Variants in PCID2 observed in about 807,000 individuals in gnomAD.
PCID2 encodes PCI domain-containing protein 2.
A neutral mutation model predicts 61.3 loss-of-function variants in PCID2; 41 were observed. The observed-to-expected ratio is 0.67, with a 90% CI of 0.52 to 0.87. The LOEUF is 0.87. Among genes scored for constraint, PCID2 ranks in the 40% least tolerant of loss-of-function variants. PCID2 has a pLI of 0.00. For synonymous variants in PCID2, 187 were observed against 177.8 expected (o/e 1.05, Z -0.41); for missense variants, 392 against 493.4 (o/e 0.79, Z 1.95).
intron 2 of PCID2, among the ~76,000 whole-genome samples, chr13:113,198,489 G>A (rs375391905): frequency 1.3e-5 from 2 of 152,230 alleles, no homozygotes; most frequent in Admixed American, 6.5e-5. Context: ...ATCACTTGAG[G>A]CTAGAAGTTC....
chr13:113,200,436 T>G lies in PCID2; in HGVS notation c.117A>C (p.Pro39=). ...VSFKHPHVAN[P]RLQMASPEEK... is the part of the protein sequence containing the mutation. ...CAGCTCTTTCACCTACTTGAAGTCG[T>G]GGGTTTGCAACATGAGGATGTTTAA... Residue 39 remains proline (P), a synonymous_variant, in exon 2 of 14, where the codon CCA becomes CCC. Coordinates refer to ENST00000337344, the MANE Select transcript of PCID2 (RefSeq NM_001127202.4). 6.2e-7 allele frequency: 1 copy of G among 1,606,242 alleles called. No individual in the cohort carries two copies. Among genetic ancestry groups the G allele is most frequent in the South Asian group, 1.1e-5 (1 of 90,960 alleles).
Position 113,207,879 on chromosome 13 carries a change from C to T in PCID2, c.36+720G>A, listed in dbSNP as rs549827891. On this transcript the variant is annotated intron_variant, in intron 1 of 13. Transcript: ENST00000337344. ...ATTCACCACGTCTTGGTAATGTTTC[C>T]TTCAAATATTTTAAAAATCCATTCC... is the stretch of plus-strand genomic sequence containing the variant. 43 of 756,746 alleles carry T rather than the reference C, an allele frequency of 5.7e-5. 1 individual carries two copies. In the South Asian group the frequency reaches 6.2e-4, roughly 11 times the overall value. The allele number at this position is 756,746 out of a possible 1,614,324, so 46.9% of individuals were successfully genotyped here.
At chr13:113,199,558 T>C (rs1407508807) in intron 2 of PCID2, among the ~76,000 whole-genome samples, 1 of 152,148 alleles carries the variant, frequency 6.6e-6, no homozygotes, top group East Asian at 1.9e-4. Context: ...GAAAGTTTAC[T>C]GGGGAATTTT....
At chr13:113,170,111 T>C in the PCID2 span, among the ~76,000 whole-genome samples, 1 of 152,212 alleles carries the variant, frequency 6.6e-6, no homozygotes, top group African/African-American at 2.4e-5. Context: ...ATTCCATAGA[T>C]TTTGTCAATT....
At chr13:113,185,347 T>C (rs2038014272) in intron 8 of PCID2, 138 bp downstream of exon 8, 1 of 652,180 alleles carries the variant, frequency 1.5e-6, no homozygotes, top group Admixed American at 2.6e-5. Context: ...CAACAAATGT[T>C]TGCTATTAGG....
At position 113,185,474 on chromosome 13, in the gene PCID2, CAGA is replaced by C. The variant is rs3834946; in HGVS notation, c.543+8_543+10del. The C allele has an allele frequency of 9.8e-3, 15,703 of 1,597,624 alleles. 1,144 individuals are homozygous for C. In the East Asian group the frequency reaches 0.19, roughly 19 times the overall value. ...ATTGTAAAGACAGAAAGGATTCAAA[CAGA>C]AGCACACCTTGAAGTAGATTTTAAA... On this transcript the variant is annotated splice_region_variant and intron_variant, in intron 8 of 13. Transcript: ENST00000337344.
chr13:113,180,372 T>A, intron 10 of PCID2, 141 bp from the exon 11 acceptor site: 1 of 656,398 alleles, frequency 1.5e-6, no homozygotes, highest in Non-Finnish European at 2.7e-6. Flanking sequence ...CACATCATAG[T>A]ACACTAGGAA....
intron 9 of PCID2, chr13:113,183,720 A>G (rs2037848279): frequency 2.0e-6 from 2 of 976,846 alleles, no homozygotes; most frequent in Non-Finnish European, 2.4e-6. Context: ...GATCACCAAG[A>G]ATGATGCCGT....
In PCID2 at chr13:113,198,377, A is replaced by C. The variant is rs2039173530; in HGVS notation, c.127-113T>G. 3 of 674,594 alleles carry C rather than the reference A, an allele frequency of 4.4e-6. No homozygotes were observed. In the Admixed American group the frequency reaches 8.1e-5, roughly 18 times the overall value. 41.8% of individuals were successfully genotyped at this position (674,594 alleles called of 1,614,324 possible). Reference sequence around the variant, plus strand: ...CAAGAGAATTTATGCTTTACAGTTCACAGTAACACTTTATATTTACCACTC... The same window carrying C: ...CAAGAGAATTTATGCTTTACAGTTCCCAGTAACACTTTATATTTACCACTC... On this transcript the variant is annotated intron_variant, in intron 2 of 13. Coordinates refer to ENST00000337344, the MANE Select transcript of PCID2 (RefSeq NM_001127202.4).
chr13:113,170,744 C>T, the PCID2 span, among the ~76,000 whole-genome samples: 3 of 152,004 alleles, frequency 2.0e-5, no homozygotes, highest in Admixed American at 6.6e-5. Context: ...AACTCACACT[C>T]GGCAAGGGAG....
In PCID2 at chr13:113,177,823, T is replaced by C. The variant is rs2037245674; in HGVS notation, c.*375A>G. 2 of 160,904 alleles carry C rather than the reference T, an allele frequency of 1.2e-5. No homozygotes were observed. Among genetic ancestry groups the C allele is most frequent in the South Asian group, 1.7e-4 (1 of 5,798 alleles). 10.0% of individuals were successfully genotyped at this position (160,904 alleles called of 1,614,324 possible). A position where few individuals can be genotyped will look rare whatever the true frequency, so the allele number is the denominator to read the frequency against. On this transcript the variant is annotated 3_prime_UTR_variant, in exon 14 of 14. Transcript: ENST00000337344. ...GGAAGATATAATGAAGAACATGCCA[T>C]GTGTATAAATTCAGAATACGCTTTT...
At chr13:113,205,770 TACAG>T (rs2039763846) in intron 1 of PCID2, among the ~76,000 whole-genome samples, 1 of 152,104 alleles carries the variant, frequency 6.6e-6, no homozygotes, top group Non-Finnish European at 1.5e-5. Context: ...AGCAAATCCA[TACAG>T]ACAGAGAGCA....
At chr13:113,170,499 A>G in the PCID2 span, 2 of 1,597,000 alleles carry the variant, frequency 1.3e-6, no homozygotes, top group East Asian at 2.2e-5. Flanking sequence ...CAAAATGTTC[A>G]CTGTTACACA....
chr13:113,198,405 A>T, intron 2 of PCID2, 141 bp from the exon 3 acceptor site: 1 of 576,618 alleles, frequency 1.7e-6, no homozygotes, highest in Non-Finnish European at 3.0e-6. Flanking sequence ...TACCACTCTA[A>T]ATAAAAGGTT....
downstream of PCID2, among the ~76,000 whole-genome samples, chr13:113,174,195 G>A (rs2037156166): frequency 6.6e-6 from 1 of 150,888 alleles, no homozygotes; most frequent in South Asian, 2.1e-4. Flanking sequence ...CCGAGATCAT[G>A]CCACTGCACT....
intron 1 of PCID2, among the ~76,000 whole-genome samples, chr13:113,201,542 TGGCTCACGCCTGTAATCC>T (rs2039428310): frequency 6.6e-6 from 1 of 152,098 alleles, no homozygotes; most frequent in African/African-American, 2.4e-5. Context: ...CCGGTCACGG[TGGCTCACGCCTGTAATCC>T]CAGCACTTTG....
intron 1 of PCID2, among the ~76,000 whole-genome samples, chr13:113,204,346 C>T (rs1186941163): frequency 6.6e-6 from 1 of 152,226 alleles, no homozygotes; most frequent in Non-Finnish European, 1.5e-5. Flanking sequence ...TTGGAGCAAG[C>T]ACTGTGGAAT....
intron 7 of PCID2, chr13:113,190,611 C>T: frequency 3.1e-6 from 1 of 319,598 alleles, no homozygotes; most frequent in East Asian, 5.2e-5. Flanking sequence ...AGGGAAATGG[C>T]ACTAGACGGA....
chr13:113,165,206 A>G, the PCID2 span: 55 of 1,391,590 alleles, frequency 4.0e-5, no homozygotes, highest in African/African-American at 6.6e-4. Context: ...GTTGACAACT[A>G]AGTGAATCAG....
Sources: allele counts gnomAD v4.1 joint callset (sites outside exome capture counted in the v4.1 genomes callset), GRCh38; gene constraint gnomAD v4.1.1; transcripts MANE v1.5; gene names NCBI Gene and HGNC (gene_info 2026-07-23, HGNC 2026-07-21).